LRBA: variants seen among roughly 807,000 people sequenced by gnomAD.
LRBA encodes the protein lipopolysaccharide-responsive and beige-like anchor protein.
A neutral mutation model predicts 330.0 loss-of-function variants in LRBA; 176 were observed. The ratio of observed to expected loss-of-function variants is 0.53; its 90% CI spans 0.47 to 0.60. The LOEUF (loss-of-function observed/expected upper bound fraction) is 0.60. Ranked by LOEUF, LRBA falls within the 20% of genes least tolerant of loss-of-function variation. The pLI is 0.00. For synonymous variants in LRBA, 1,230 were observed against 1,193.0 expected (o/e 1.03, Z -0.64); for missense variants, 3,259 against 3,444.8 (o/e 0.95, Z 1.35).
At chr4:150,567,277 G>C (rs1356352780) in intron 40 of LRBA, among the ~76,000 whole-genome samples, 1 of 152,098 alleles carries the variant, frequency 6.6e-6, no homozygotes, top group African/African-American at 2.4e-5. Context: ...CAACATTTCA[G>C]AGTAGGATAA....
At chr4:150,335,416 T>C (rs185565884) in intron 48 of LRBA, among the ~76,000 whole-genome samples, 17 of 149,420 alleles carry the variant, frequency 1.1e-4, no homozygotes, top group Middle Eastern at 7.2e-3. Context: ...TATATATATA[T>C]ACACACATAT....
At chr4:150,329,508 C>T (rs1733716687) in intron 48 of LRBA, among the ~76,000 whole-genome samples, 1 of 152,132 alleles carries the variant, frequency 6.6e-6, no homozygotes, top group South Asian at 2.1e-4. Flanking sequence ...CTCCTTTAAT[C>T]TCTGTCTTTT....
At chr4:151,002,196 C>CAAAAAAAAAAAAAA (rs143587760) in intron 2 of LRBA, among the ~76,000 whole-genome samples, 1 of 24,390 alleles carries the variant, frequency 4.1e-5, no homozygotes, top group Non-Finnish European at 7.2e-5. Context: ...CATAAAACAG[C>CAAAAAAAAAAAAAA]AAAAAAAAAA....
chr4:150,271,664 T>A (rs1299913758), intron 56 of LRBA, among the ~76,000 whole-genome samples: 2 of 151,916 alleles, frequency 1.3e-5, no homozygotes, highest in East Asian at 3.9e-4. Flanking sequence ...ACACTCAAGC[T>A]TGGTGGGGGG....
chr4:150,418,181 CTAATTTTT>C (rs1319349190), intron 46 of LRBA, among the ~76,000 whole-genome samples: 1 of 151,968 alleles, frequency 6.6e-6, no homozygotes, highest in Non-Finnish European at 1.5e-5. Flanking sequence ...CCATGCCTGG[CTAATTTTT>C]TAATTTTTTG....
chr4:150,288,270 C>T (rs574513405), intron 53 of LRBA, among the ~76,000 whole-genome samples: 75 of 151,948 alleles, frequency 4.9e-4, no homozygotes, highest in African/African-American at 1.5e-3. Flanking sequence ...TGAGCCACCG[C>T]GCCCAGCCAG....
chr4:150,522,060 A>G (rs1762974131), intron 40 of LRBA, among the ~76,000 whole-genome samples: 2 of 152,206 alleles, frequency 1.3e-5, no homozygotes. Flanking sequence ...AGTGGCTTAC[A>G]TAACACAAAA....
chr4:150,577,638 T>C (rs1770717614), intron 40 of LRBA, among the ~76,000 whole-genome samples: 1 of 152,112 alleles, frequency 6.6e-6, no homozygotes, highest in Non-Finnish European at 1.5e-5. Context: ...TTCTAAAATA[T>C]TTCCTGGAAA....
At chr4:150,884,027 G>C (rs1041995356) in intron 17 of LRBA, among the ~76,000 whole-genome samples, 2 of 152,188 alleles carry the variant, frequency 1.3e-5, no homozygotes, top group East Asian at 3.8e-4. Flanking sequence ...ATTCAGGTAA[G>C]AATATCAGGA....
chr4:150,346,285 T>C (rs1276015263), intron 48 of LRBA, among the ~76,000 whole-genome samples: 2 of 151,538 alleles, frequency 1.3e-5, no homozygotes, highest in Non-Finnish European at 2.9e-5. Flanking sequence ...ATATATTATA[T>C]ATAAGTCTAT....
At chr4:150,415,705 A>AT (rs372604374) in intron 46 of LRBA, 115 bp from the exon 47 acceptor site, 377 of 641,404 alleles carry the variant, frequency 5.9e-4, no homozygotes, top group South Asian at 8.4e-4. Context: ...AACACAGGGA[A>AT]TTTTTTTTTC....
chr4:150,275,711 A>C (rs1454253036), intron 56 of LRBA, among the ~76,000 whole-genome samples: 3 of 152,352 alleles, frequency 2.0e-5, no homozygotes, highest in Middle Eastern at 3.4e-3. Context: ...CTAGGAATCT[A>C]ACTTACAAGG....
At position 150,963,553 on chromosome 4, in the gene LRBA, C is replaced by T. The variant is rs534273602; in HGVS notation, c.217-34488G>A. ...ATCGCTACAACCTCCACCTCCCAGC[C>T]GCCTGCCTTGGCCTCCCAAAGTGCC... On this transcript the variant is annotated intron_variant, in intron 2 of 56. Coordinates refer to ENST00000651943, the MANE Select transcript of LRBA (RefSeq NM_001364905.1). Among the ~76,000 whole-genome samples the T allele has an allele frequency of 3.2e-4, 48 of 149,650 alleles. 5 individuals carry two copies. The highest frequency in any genetic ancestry group is 1.2e-3 in the African/African-American group (46 of 38,996).
chr4:150,403,846 C>A (rs1745813303), intron 47 of LRBA, among the ~76,000 whole-genome samples: 1 of 152,066 alleles, frequency 6.6e-6, no homozygotes, highest in Admixed American at 6.6e-5. Flanking sequence ...GCCTGACCAA[C>A]ATGGTGAAAC....
At chr4:150,463,644 C>T (rs1481082207) in intron 44 of LRBA, among the ~76,000 whole-genome samples, 3 of 151,878 alleles carry the variant, frequency 2.0e-5, no homozygotes, top group Non-Finnish European at 2.9e-5. Flanking sequence ...GAAGAAAAGG[C>T]ATTAGTTAAA....
Position 150,476,957 on chromosome 4 carries a change from T to C in LRBA, c.6552-5218A>G, listed in dbSNP as rs543024786. On this transcript the variant is annotated intron_variant, in intron 42 of 56. Coordinates refer to ENST00000651943, the MANE Select transcript of LRBA (RefSeq NM_001364905.1). ...GGTGAGTCAGGATTTAGCACAATAG[T>C]CCCTACCCTCTCACGTCCTACTGGC... is the stretch of plus-strand genomic sequence containing the variant. 2.6e-5 allele frequency among the ~76,000 whole-genome samples: 4 copies of C among 152,246 alleles called. No homozygotes were observed. The South Asian group carries it at 6.2e-4, about 24-fold the overall frequency.
At chr4:150,906,176 GT>G in intron 12 of LRBA, 120 bp downstream of exon 12, 1 of 825,532 alleles carries the variant, frequency 1.2e-6, no homozygotes, top group South Asian at 1.7e-5. Context: ...TGTTATTTTA[GT>G]TTAGGTAATT....
chr4:150,338,966 TACACACAC>T (rs200463218), intron 48 of LRBA, among the ~76,000 whole-genome samples: 17 of 148,730 alleles, frequency 1.1e-4, no homozygotes, highest in African/African-American at 3.7e-4. Flanking sequence ...TATTTAATTA[TACACACAC>T]ACACACACAC....
At chr4:150,844,817 G>C in intron 26 of LRBA, 38 bp from the exon 27 acceptor site, 1 of 1,560,568 alleles carries the variant, frequency 6.4e-7, no homozygotes, top group Non-Finnish European at 8.8e-7. Flanking sequence ...GGAAAGAAAA[G>C]TTAATATTTA....
Sources: gnomAD v4.1 joint callset for allele counts (sites outside exome capture counted in the v4.1 genomes callset) on GRCh38, gnomAD v4.1.1 for gene constraint, MANE v1.5 for transcripts, NCBI Gene and HGNC (gene_info 2026-07-23, HGNC 2026-07-21) for gene names.